The following MAN1C1 variants were observed in gnomAD, a reference collection of about 807,000 sequenced individuals.
MAN1C1 encodes mannosyl-oligosaccharide 1,2-alpha-mannosidase IC.
Under a neutral mutation model 71.5 loss-of-function variants are expected in MAN1C1, and 49 were observed. The ratio of observed to expected loss-of-function variants is 0.69; its 90% CI spans 0.54 to 0.87. The LOEUF (loss-of-function observed/expected upper bound fraction) is 0.87. Among genes scored for constraint, MAN1C1 ranks in the 40% least tolerant of loss-of-function variants. The pLI is 0.00. For missense variants in MAN1C1, 743 were observed against 835.0 expected, an observed-to-expected ratio of 0.89 and a Z score of 1.36; for synonymous variants, 352 against 343.7, an observed-to-expected ratio of 1.02 and a Z score of -0.27.
rs2045122147 is a variant in MAN1C1 at position 25,617,652 on chromosome 1, C to T, written c.-146C>T. ...AAACTCCCTGAACTTCGGGGACAGTCCCCCGAAGCGGCGAAACTCTCAGGG... is the reference window on the plus strand; with the variant it reads ...AAACTCCCTGAACTTCGGGGACAGTTCCCCGAAGCGGCGAAACTCTCAGGG... On this transcript the variant is annotated 5_prime_UTR_variant, in exon 1 of 12. Transcript: ENST00000374332. This position sits in a 1 kb window ranked among gnomAD's most constrained non-coding sequence, Gnocchi z 5.1. 1 of 628,056 alleles carries T rather than the reference C, an allele frequency of 1.6e-6. No individual in the cohort carries two copies. The highest frequency in any genetic ancestry group is 2.6e-6 in the Non-Finnish European group (1 of 384,534). The allele number at this position is 628,056 out of a possible 1,614,324, so 38.9% of individuals were successfully genotyped here. A position where few individuals can be genotyped will look rare whatever the true frequency, so the allele number is the denominator to read the frequency against.
intron 1 of MAN1C1, among the ~76,000 whole-genome samples, chr1:25,620,303 G>C (rs2045187286): frequency 6.6e-6 from 1 of 152,182 alleles, no homozygotes; most frequent in Non-Finnish European, 1.5e-5. Context: ...CTGGAGGCAT[G>C]CTGCATATAC....
chr1:25,672,469 G>A (rs1467120431), intron 1 of MAN1C1, among the ~76,000 whole-genome samples: 3 of 152,114 alleles, frequency 2.0e-5, no homozygotes, highest in Admixed American at 6.5e-5. Context: ...GAATCCCTTC[G>A]AGAGGCCACC....
chr1:25,732,256 C>T (rs983727564), intron 2 of MAN1C1, among the ~76,000 whole-genome samples: 1 of 152,106 alleles, frequency 6.6e-6, no homozygotes, highest in African/African-American at 2.4e-5. Flanking sequence ...CCTGTGGTCT[C>T]AAAGCCAAGA....
rs1572203653 is a variant in MAN1C1, at chr1:25,764,076, T to A, written c.1141+109T>A. On this transcript the variant is annotated intron_variant, in intron 7 of 11. Transcript: ENST00000374332. The surrounding 1 kb of genome is among the most constrained non-coding windows in gnomAD (Gnocchi z 4.4). ...AGTGAGGATGTGTCTGTCAGAGCCA[T>A]GCAGCCAGCAAGGCATTCGCTCGGT... 3.4e-6 allele frequency: 3 copies of A among 894,562 alleles called. No homozygotes were observed. In the East Asian group the frequency reaches 7.5e-5, roughly 22 times the overall value. The allele number at this position is 894,562 out of a possible 1,614,324, so 55.4% of individuals were successfully genotyped here. A position where few individuals can be genotyped will look rare whatever the true frequency, so the allele number is the denominator to read the frequency against.
At chr1:25,701,363 C>T (rs2046440625) in intron 2 of MAN1C1, among the ~76,000 whole-genome samples, 1 of 152,254 alleles carries the variant, frequency 6.6e-6, no homozygotes, top group Non-Finnish European at 1.5e-5. Flanking sequence ...CTAGTGCAGA[C>T]CCCTTCCTGT....
In MAN1C1 at chr1:25,618,026, G is replaced by A. The variant is rs2124744025; in HGVS notation, c.229G>A (p.Glu77Lys). 6.3e-7 allele frequency: 1 copy of A among 1,595,528 alleles called. No homozygotes were observed. The change falls in exon 1 of 12, where the codon GAG (glutamate) becomes AAG (lysine). Residue 77 changes from glutamate (E) to lysine (K), a missense_variant. Glu to Lys is a moderately conservative substitution (Grantham distance 56). Transcript: ENST00000374332. The part of the protein sequence containing the change: ...AEIAGHAPAR[E>K]QEPPPNPAPA... ...AATCGCCGGCCATGCCCCGGCCCGCGAGCAGGAGCCGCCTCCCAACCCGGC... is the reference window on the plus strand; with the variant it reads ...AATCGCCGGCCATGCCCCGGCCCGCAAGCAGGAGCCGCCTCCCAACCCGGC...
rs962136921 is a variant in MAN1C1 at position 25,637,598 on chromosome 1, AT to A, written c.540+19273del. Among the ~76,000 whole-genome samples the A allele has an allele frequency of 3.9e-3, 570 of 144,526 alleles. 1 individual carries two copies. Among genetic ancestry groups the A allele is most frequent in the African/African-American group, 6.9e-3 (276 of 39,716 alleles). 94.8% of individuals were successfully genotyped at this position (144,526 alleles called of 152,430 possible). ...AGGTTGATAGTGTTCAAAACTATGT[AT>A]TTTTTTTTTTTGGTCTACTTTTAAA... On this transcript the variant is annotated intron_variant, in intron 1 of 11. Coordinates refer to ENST00000374332, the MANE Select transcript of MAN1C1 (RefSeq NM_020379.4).
intron 1 of MAN1C1, among the ~76,000 whole-genome samples, chr1:25,653,867 TC>T (rs1207949959): frequency 2.0e-5 from 3 of 152,076 alleles, no homozygotes; most frequent in Non-Finnish European, 4.4e-5. Context: ...CTAGTTTTGC[TC>T]CCCCAGGGGA....
At chr1:25,672,412 T>A (rs59136427) in intron 1 of MAN1C1, among the ~76,000 whole-genome samples, 12,279 of 152,204 alleles carry the variant, frequency 0.081, 1,629 homozygotes, top group African/African-American at 0.28. Flanking sequence ...TATCTGGGCA[T>A]CCCTTAGTGC....
At chr1:25,685,542 A>T (rs372257284) in intron 1 of MAN1C1, among the ~76,000 whole-genome samples, 2 of 152,234 alleles carry the variant, frequency 1.3e-5, no homozygotes, top group Non-Finnish European at 2.9e-5. Flanking sequence ...GTGACCTTGC[A>T]TCTGCTTCAG....
At chr1:25,657,740 G>A (rs1011859113) in intron 1 of MAN1C1, among the ~76,000 whole-genome samples, 2 of 152,164 alleles carry the variant, frequency 1.3e-5, no homozygotes, top group African/African-American at 4.8e-5. Context: ...GGAACCTTTT[G>A]TCATGCCCTG....
At chr1:25,757,390 GCTCTGCCCCAC>G (rs1248830771) in intron 5 of MAN1C1, among the ~76,000 whole-genome samples, 1 of 152,146 alleles carries the variant, frequency 6.6e-6, no homozygotes, top group East Asian at 1.9e-4. Flanking sequence ...ACACCACCCT[GCTCTGCCCCAC>G]CTCTGTCCAC....
Position 25,631,820 on chromosome 1 carries a change from G to A in MAN1C1, c.540+13483G>A, listed in dbSNP as rs2045384556. On this transcript the variant is annotated intron_variant, in intron 1 of 11. Coordinates refer to ENST00000374332, the MANE Select transcript of MAN1C1 (RefSeq NM_020379.4). This position sits in a 1 kb window ranked among gnomAD's most constrained non-coding sequence, Gnocchi z 4.2. ...TCTTTTGGAATAGTTTCAGTAGCTG[G>A]AGTGTAGTGGCGCGATCTCAGCTCA... Among the ~76,000 whole-genome samples, 1 of 152,192 alleles carries A rather than the reference G, an allele frequency of 6.6e-6. No homozygotes were observed. The highest frequency in any genetic ancestry group is 2.1e-4 in the South Asian group (1 of 4,834).
At chr1:25,759,093 C>T (rs116159834) in intron 6 of MAN1C1, 12 of 217,532 alleles carry the variant, frequency 5.5e-5, no homozygotes, top group African/African-American at 2.7e-4. Context: ...GTCCCCTTTC[C>T]AGAGACATTT....
chr1:25,618,280 C>A lies in MAN1C1; in HGVS notation c.483C>A (p.Ala161=). Residue 161 remains alanine, a synonymous_variant, in exon 1 of 12, where the codon GCC becomes GCA. Coordinates refer to ENST00000374332, the MANE Select transcript of MAN1C1 (RefSeq NM_020379.4). ...RLRHPVLGTR[A]DESQEPQSQV... is the part of the protein sequence containing the mutation. Reference sequence around the variant, plus strand: ...GCCACCCGGTCCTGGGAACGAGGGCCGATGAGAGTCAGGAGCCCCAGAGCC... The same window carrying A: ...GCCACCCGGTCCTGGGAACGAGGGCAGATGAGAGTCAGGAGCCCCAGAGCC... The A allele has an allele frequency of 6.2e-7, 1 of 1,603,878 alleles. No homozygotes were observed.
At chr1:25,748,472 C>T (rs72662662) in intron 3 of MAN1C1, among the ~76,000 whole-genome samples, 12,264 of 152,266 alleles carry the variant, frequency 0.081, 760 homozygotes, top group East Asian at 0.22. Context: ...GCAGGCCTCT[C>T]TCTGCAGCTC....
chr1:25,762,218 C>T (rs2047371144), intron 6 of MAN1C1, among the ~76,000 whole-genome samples: 1 of 150,580 alleles, frequency 6.6e-6, no homozygotes, highest in Non-Finnish European at 1.5e-5. Context: ...CCTCAATCTC[C>T]TGGACTTAAA....
chr1:25,746,920 CG>C lies in MAN1C1; in HGVS notation c.753+139del. On this transcript the variant is annotated intron_variant, in intron 3 of 11. Coordinates refer to ENST00000374332, the MANE Select transcript of MAN1C1 (RefSeq NM_020379.4). The surrounding 1 kb of genome is among the most constrained non-coding windows in gnomAD (Gnocchi z 4.0). ...CTGCACAGCCCAGCAGTCTCGGAAC[CG>C]GAGCTGCCGTGCAGTCTGTGCTGAG... The C allele has an allele frequency of 1.6e-6, 1 of 642,454 alleles. No homozygotes were observed. Among genetic ancestry groups the C allele is most frequent in the East Asian group, 2.7e-5 (1 of 36,434 alleles). 39.8% of individuals were successfully genotyped at this position (642,454 alleles called of 1,614,324 possible).
At chr1:25,621,817 C>T (rs1344137538) in intron 1 of MAN1C1, among the ~76,000 whole-genome samples, 5 of 151,762 alleles carry the variant, frequency 3.3e-5, no homozygotes, top group Admixed American at 2.0e-4. Flanking sequence ...TTAGTAGAGA[C>T]GGGGTTTTGC....
Sources: allele counts gnomAD v4.1 joint callset (sites outside exome capture counted in the v4.1 genomes callset), GRCh38; gene constraint gnomAD v4.1.1; non-coding constraint Gnocchi (gnomAD v3.1); transcripts MANE v1.5; gene names NCBI Gene and HGNC (gene_info 2026-07-23, HGNC 2026-07-21).